Variants in NUP54 observed in about 807,000 individuals in gnomAD.
NUP54 encodes nucleoporin p54.
Under a neutral mutation model 66.4 loss-of-function variants are expected in NUP54, and 27 were observed. That is an observed-to-expected ratio of 0.41 (90% CI 0.30 to 0.56). NUP54 has a LOEUF of 0.56. Ranked by LOEUF, NUP54 falls within the 20% of genes least tolerant of loss-of-function variation. The probability of loss-of-function intolerance (pLI) is 0.34; values close to 1 mark genes in which losing one functional copy is unlikely to be tolerated. For synonymous variants in NUP54, 206 were observed against 210.7 expected (o/e 0.98, Z 0.19); for missense variants, 486 against 596.3 (o/e 0.82, Z 1.93).
intron 9 of NUP54, chr4:76,124,442 G>A (rs1189589178): frequency 1.0e-5 from 3 of 301,020 alleles, no homozygotes; most frequent in African/African-American, 2.2e-5. Context: ...ACTAAAATAC[G>A]AACTTTAGGA....
At chr4:76,129,820 G>A (rs111470070) in intron 8 of NUP54, among the ~76,000 whole-genome samples, 6,152 of 131,846 alleles carry the variant, frequency 0.047, 208 homozygotes, top group Non-Finnish European at 0.068. Flanking sequence ...AGCCTAGATC[G>A]CGCCACTGTG....
rs546434502 is a variant in NUP54, at chr4:76,119,994, TAAG to T, written c.1165-1803_1165-1801del. Among the ~76,000 whole-genome samples the T allele has an allele frequency of 1.5e-3, 229 of 152,302 alleles. 1 individual carries two copies. The highest frequency in any genetic ancestry group is 4.6e-3 in the African/African-American group (190 of 41,576). ...ATTATCAAAATCTCATGAAATGCCT[TAAG>T]AAGTATAGCTCTAATTTGTTATTTT... On this transcript the variant is annotated intron_variant, in intron 9 of 11. Transcript: ENST00000264883.
chr4:76,119,000 T>C (rs1337072931), intron 9 of NUP54, among the ~76,000 whole-genome samples: 5 of 152,114 alleles, frequency 3.3e-5, no homozygotes, highest in South Asian at 2.1e-4. Context: ...AGCGAGACTC[T>C]GTCTCAAAAA....
At chr4:76,118,235 T>G (rs1489897698) in intron 9 of NUP54, 41 bp from the exon 10 acceptor site, 1 of 1,581,292 alleles carries the variant, frequency 6.3e-7, no homozygotes, top group Admixed American at 1.7e-5. Flanking sequence ...GAATCATCTC[T>G]TTTTAGTTAT....
chr4:76,147,825 G>T, intron 1 of NUP54: 1 of 364,018 alleles, frequency 2.7e-6, no homozygotes, highest in Non-Finnish European at 5.2e-6. Flanking sequence ...GAAGCATGAC[G>T]GATAAACCCC....
chr4:76,120,242 G>A lies in NUP54; in HGVS notation c.1165-2048C>T, dbSNP rs1298329465. ...TTAACTGGTATAGATCTTTAACAAT[G>A]AGGCTGAGTTTTAAAGTATGTACGT... On this transcript the variant is annotated intron_variant, in intron 9 of 11. Coordinates refer to ENST00000264883, the MANE Select transcript of NUP54 (RefSeq NM_017426.4). 2.6e-5 allele frequency among the ~76,000 whole-genome samples: 4 copies of A among 152,110 alleles called. No homozygotes were observed. The South Asian group carries it at 6.2e-4, about 24-fold the overall frequency.
intron 1 of NUP54, chr4:76,145,718 A>T: frequency 3.0e-6 from 1 of 336,538 alleles, no homozygotes; most frequent in South Asian, 3.0e-5. Flanking sequence ...TTGAACCATT[A>T]GTGTCGAATT....
In NUP54 at chr4:76,136,423, AC is replaced by A. The variant is rs1161954687; in HGVS notation, c.296-12del. The A allele has an allele frequency of 6.3e-7, 1 of 1,598,034 alleles. No individual in the cohort carries two copies. On this transcript the variant is annotated splice_polypyrimidine_tract_variant and intron_variant, in intron 3 of 11. Transcript: ENST00000264883. Reference sequence around the variant, plus strand: ...AGAGACCACCTAATGCTAAAAATGTACCCAAAATTAGTATTTAAAAACAAAA... The same window carrying A: ...AGAGACCACCTAATGCTAAAAATGTACCAAAATTAGTATTTAAAAACAAAA...
At chr4:76,118,790 G>T (rs1013334553) in intron 9 of NUP54, among the ~76,000 whole-genome samples, 18 of 152,020 alleles carry the variant, frequency 1.2e-4, no homozygotes, top group Non-Finnish European at 2.2e-4. Flanking sequence ...GGATCAAGAG[G>T]TCAGGAGATT....
intron 9 of NUP54, chr4:76,118,404 G>T: frequency 2.0e-6 from 1 of 508,598 alleles, no homozygotes. Flanking sequence ...TGTTTTTTTT[G>T]AGACAGGGTC....
intron 3 of NUP54, among the ~76,000 whole-genome samples, chr4:76,139,452 C>CAGA (rs34092249): frequency 0.18 from 26,964 of 151,872 alleles, 2,477 homozygotes; most frequent in East Asian, 0.36. Context: ...TACAAGGAAG[C>CAGA]AGAAGAAAAA....
intron 3 of NUP54, among the ~76,000 whole-genome samples, chr4:76,143,886 T>C (rs1203603624): frequency 6.6e-6 from 1 of 152,196 alleles, no homozygotes; most frequent in African/African-American, 2.4e-5. Context: ...GCTGTACTTT[T>C]GTGCAGTTTC....
At chr4:76,139,816 A>G (rs922188012) in intron 3 of NUP54, among the ~76,000 whole-genome samples, 1 of 152,206 alleles carries the variant, frequency 6.6e-6, no homozygotes, top group African/African-American at 2.4e-5. Flanking sequence ...GACAATAACA[A>G]GTTCTGACTT....
At chr4:76,140,308 C>CA (rs1362569511) in intron 3 of NUP54, among the ~76,000 whole-genome samples, 2 of 130,500 alleles carry the variant, frequency 1.5e-5, no homozygotes, top group Admixed American at 1.7e-4. Flanking sequence ...TTTTTTGAGA[C>CA]AGAGTCTTGC....
chr4:76,132,329 C>A, intron 6 of NUP54, 194 bp downstream of exon 6: 1 of 372,110 alleles, frequency 2.7e-6, no homozygotes. Context: ...TCTATTTTAA[C>A]ATATACATAT....
At chr4:76,142,508 TTG>T (rs1356188711) in intron 3 of NUP54, among the ~76,000 whole-genome samples, 1 of 152,200 alleles carries the variant, frequency 6.6e-6, no homozygotes, top group Non-Finnish European at 1.5e-5. Context: ...GTAGTTGAAT[TTG>T]CATCCCTGTA....
At position 76,115,253 on chromosome 4, in the gene NUP54, T is replaced by C. The variant is rs17001433; in HGVS notation, c.*113A>G. On this transcript the variant is annotated 3_prime_UTR_variant, in exon 12 of 12. Transcript: ENST00000264883. The stretch of plus-strand genomic sequence containing the variant: ...GTCAGTAAACTTCTCAAAAAACCAA[T>C]CCAAGAAAGAATTGTTTTCTTTTTC... 3.1e-6 allele frequency: 3 copies of C among 983,536 alleles called. No individual in the cohort carries two copies. The highest frequency in any genetic ancestry group is 5.9e-5 in the East Asian group (2 of 33,666). The allele number at this position is 983,536 out of a possible 1,614,324, so 60.9% of individuals were successfully genotyped here. A position where few individuals can be genotyped will look rare whatever the true frequency, so the allele number is the denominator to read the frequency against.
At chr4:76,144,023 T>C in intron 3 of NUP54, 126 bp downstream of exon 3, 1 of 979,910 alleles carries the variant, frequency 1.0e-6, no homozygotes, top group Non-Finnish European at 1.5e-6. Context: ...AAAAGTAACA[T>C]TCCTAATCCT....
chr4:76,125,197 A>C (rs1274840472), intron 8 of NUP54, among the ~76,000 whole-genome samples: 1 of 149,936 alleles, frequency 6.7e-6, no homozygotes, highest in Non-Finnish European at 1.5e-5. Flanking sequence ...AGGCTGATGC[A>C]GGAGAATCAC....
Sources: allele counts gnomAD v4.1 joint callset (sites outside exome capture counted in the v4.1 genomes callset), GRCh38; gene constraint gnomAD v4.1.1; transcripts MANE v1.5; gene names NCBI Gene and HGNC (gene_info 2026-07-23, HGNC 2026-07-21).